Variants in MDGA1 observed in about 807,000 individuals in gnomAD.
MDGA1 encodes the protein MAM domain-containing glycosylphosphatidylinositol anchor protein 1.
In MDGA1, 54 loss-of-function variants were observed where a neutral mutation model predicts 101.5. The observed-to-expected ratio is 0.53, with a 90% CI of 0.43 to 0.67. The LOEUF (loss-of-function observed/expected upper bound fraction) is 0.67. Among genes scored for constraint, MDGA1 ranks in the 30% least tolerant of loss-of-function variants. The probability of loss-of-function intolerance (pLI) is 0.00; values close to 1 mark genes in which losing one functional copy is unlikely to be tolerated. For synonymous variants in MDGA1, 533 were observed against 558.3 expected, an observed-to-expected ratio of 0.95 and a Z score of 0.64; for missense variants, 1,083 against 1,323.8, an observed-to-expected ratio of 0.82 and a Z score of 2.82.
At position 37,647,194 on chromosome 6, in the gene MDGA1, G is replaced by C; in HGVS notation, c.2025C>G (p.Asn675Lys). ...REPDAVDPVL[N>K]YRLSIRQLNQ... is the part of the protein sequence containing the mutation. The stretch of plus-strand genomic sequence containing the variant: ...CCACCTGGCGGATGCTGAGTCTGTA[G>C]TTGAGCACAGGGTCGACAGCGTCGG... The change falls in exon 10 of 17, where the codon AAC becomes AAG. Residue 675 changes from asparagine (N) to lysine (K), a missense_variant. Asn to Lys is a moderately conservative substitution (Grantham distance 94, BLOSUM62 0). Coordinates refer to ENST00000434837, the MANE Select transcript of MDGA1 (RefSeq NM_153487.4). 2.5e-6 allele frequency: 4 copies of C among 1,598,114 alleles called. No individual in the cohort carries two copies. Among genetic ancestry groups the C allele is most frequent in the Non-Finnish European group, 3.4e-6 (4 of 1,172,560 alleles).
In MDGA1 at chr6:37,647,205, G is replaced by A. The variant is rs374048763; in HGVS notation, c.2014C>T (p.Pro672Ser). ...ATGCTGAGTCTGTAGTTGAGCACAG[G>A]GTCGACAGCGTCGGGCTCCCTCTGA... ...WTQREPDAVD[P>S]VLNYRLSIRQ... Residue 672 changes from proline (P) to serine (S), a missense_variant, in exon 10 of 17, where the codon CCT becomes TCT. This residue lies in a region of MDGA1 where 657 missense variants were observed against 771.4 expected (regional missense o/e 0.85). Transcript: ENST00000434837. 63 of 1,597,896 alleles carry A rather than the reference G, an allele frequency of 3.9e-5. No homozygotes were observed. In the African/African-American group the frequency reaches 7.8e-4, roughly 20 times the overall value.
chr6:37,684,905 C>T (rs761404666), intron 1 of MDGA1, among the ~76,000 whole-genome samples: 20 of 152,178 alleles, frequency 1.3e-4, no homozygotes, highest in Non-Finnish European at 2.9e-4. Flanking sequence ...CGGAATCAAA[C>T]CCAAGTAGAT....
chr6:37,655,361 GC>G lies in MDGA1; in HGVS notation c.579+338del. 3.0e-6 allele frequency: 1 copy of G among 334,296 alleles called. No homozygotes were observed. The highest frequency in any genetic ancestry group is 6.1e-5 in the East Asian group (1 of 16,276). The allele number at this position is 334,296 out of a possible 1,614,324, so 20.7% of individuals were successfully genotyped here. ...CCATGGGAAGAGGAGTCATCTCCTCGCCCCCAGATCCTGCTGTGCCTGGCCA... is the reference window on the plus strand; with the variant it reads ...CCATGGGAAGAGGAGTCATCTCCTCGCCCCAGATCCTGCTGTGCCTGGCCA... On this transcript the variant is annotated intron_variant, in intron 4 of 16. Coordinates refer to ENST00000434837, the MANE Select transcript of MDGA1 (RefSeq NM_153487.4). The surrounding 1 kb of genome is among the most constrained non-coding windows in gnomAD (Gnocchi z 5.1).
At chr6:37,674,614 A>G (rs566009138) in intron 1 of MDGA1, among the ~76,000 whole-genome samples, 15 of 152,330 alleles carry the variant, frequency 9.8e-5, no homozygotes, top group East Asian at 9.6e-4. Context: ...CTGTCTATCA[A>G]TGGAAGTCTA....
chr6:37,639,382 C>T (rs148858608), intron 14 of MDGA1: 5 of 152,494 alleles, frequency 3.3e-5, no homozygotes, highest in East Asian at 1.9e-4. Context: ...GCATCCTGTC[C>T]CTGGACAGGA....
chr6:37,654,955 G>A, intron 4 of MDGA1, 23 bp from the exon 5 acceptor site: 1 of 1,611,686 alleles, frequency 6.2e-7, no homozygotes, highest in Non-Finnish European at 8.5e-7. Context: ...GGACCACTGG[G>A]GTGAGGTGCC....
At chr6:37,650,442 C>T (rs1761335411) in intron 7 of MDGA1, 37 bp from the exon 8 acceptor site, 2 of 1,476,774 alleles carry the variant, frequency 1.4e-6, no homozygotes, top group Admixed American at 4.3e-5. Context: ...GAGGTAGGAG[C>T]GGAGTTAGAG....
rs746453937 is a variant in MDGA1, at chr6:37,658,403, G to C, written c.224C>G (p.Thr75Arg). Residue 75 changes from threonine to arginine, a missense_variant, in exon 3 of 17, where the codon ACG (threonine) becomes AGG (arginine). Coordinates refer to ENST00000434837, the MANE Select transcript of MDGA1 (RefSeq NM_153487.4). ...GAACTTGTCCGAGGCGCTACCTGCC[G>C]TCTTGGTCCACCGTACCTGGGCCGC... The part of the protein sequence containing the change: ...HPRPQVRWTK[T>R]AGSASDKFQE... The C allele has an allele frequency of 8.1e-6, 13 of 1,609,564 alleles. No individual in the cohort carries two copies. Among genetic ancestry groups the C allele is most frequent in the Non-Finnish European group, 1.1e-5 (13 of 1,178,146 alleles).
rs1284406448 is a variant in MDGA1 at position 37,696,973 on chromosome 6, G to T, written c.-162C>A. The T allele has an allele frequency of 4.8e-6, 3 of 619,144 alleles. No individual in the cohort carries two copies. The highest frequency in any genetic ancestry group is 5.7e-6 in the Non-Finnish European group (2 of 352,656). The allele number at this position is 619,144 out of a possible 1,614,324, so 38.4% of individuals were successfully genotyped here. A position where few individuals can be genotyped will look rare whatever the true frequency, so the allele number is the denominator to read the frequency against. ...AGGAGACTGAAGAGGCGGAGGTGGC[G>T]GCGACCCGTGTTTCTCCTCCGGCGG... On this transcript the variant is annotated 5_prime_UTR_variant, in exon 1 of 17. Transcript: ENST00000434837. The surrounding 1 kb of genome is among the most constrained non-coding windows in gnomAD (Gnocchi z 5.6).
intron 1 of MDGA1, among the ~76,000 whole-genome samples, chr6:37,673,505 C>T (rs1297922099): frequency 6.6e-6 from 1 of 152,234 alleles, no homozygotes; most frequent in Non-Finnish European, 1.5e-5. Flanking sequence ...CTGGCCTGCT[C>T]CGCCTGGGCC....
chr6:37,654,443 G>T lies in MDGA1; in HGVS notation c.813C>A (p.Pro271=), dbSNP rs1261124102. Residue 271 remains proline, a synonymous_variant, in exon 6 of 17, where the codon CCC becomes CCA. Coordinates refer to ENST00000434837, the MANE Select transcript of MDGA1 (RefSeq NM_153487.4). The part of the protein sequence containing the change: ...QCLLTGGDPL[P]QLQWSHGPGP... ...CAGGCCCATGGGACCACTGCAGCTG[G>T]GGGAGGGGATCACCGCCTGTCAGCA... The T allele has an allele frequency of 3.7e-6, 6 of 1,614,018 alleles. No individual in the cohort carries two copies. In the South Asian group the frequency reaches 5.5e-5, roughly 15 times the overall value.
chr6:37,664,087 G>T lies in MDGA1; in HGVS notation c.87C>A (p.Ile29=). The change falls in exon 2 of 17, where the codon ATC becomes ATA. Residue 29 remains isoleucine (I), a synonymous_variant. Coordinates refer to ENST00000434837, the MANE Select transcript of MDGA1 (RefSeq NM_153487.4). ...CCACACATGCCTGGCCCGCATGCAC[G>T]ATCTGCGCCTGGGCTGGAGCTGGCA... is the stretch of plus-strand genomic sequence containing the variant. The part of the protein sequence containing the change: ...QGVYAPAQAQ[I]VHAGQACVVK... The T allele has an allele frequency of 6.2e-7, 1 of 1,613,856 alleles. No homozygotes were observed. The highest frequency in any genetic ancestry group is 8.5e-7 in the Non-Finnish European group (1 of 1,179,856).
chr6:37,678,551 C>A (rs1404662862), intron 1 of MDGA1, among the ~76,000 whole-genome samples: 1 of 152,134 alleles, frequency 6.6e-6, no homozygotes, highest in Non-Finnish European at 1.5e-5. Context: ...GCCTGCCATG[C>A]CCTCTGCCAT....
In MDGA1 at chr6:37,696,765, C is replaced by T; in HGVS notation, c.47G>A (p.Cys16Tyr). 1.3e-6 allele frequency: 2 copies of T among 1,584,330 alleles called. No homozygotes were observed. Among genetic ancestry groups the T allele is most frequent in the Non-Finnish European group, 1.7e-6 (2 of 1,164,586 alleles). Residue 16 changes from cysteine to tyrosine, a missense_variant, in exon 1 of 17, where the codon TGC (cysteine) becomes TAC (tyrosine). Physicochemically the swap from Cys to Tyr is radical, Grantham distance 194 (BLOSUM62 -2). This residue lies in a region of MDGA1 where 310 missense variants were observed against 355.9 expected (regional missense o/e 0.87). Transcript: ENST00000434837. This position sits in a 1 kb window ranked among gnomAD's most constrained non-coding sequence, Gnocchi z 5.6. ...CTTACCGTAGACTCCTTGTCCCCGG[C>T]AGTGGAAGGGGATCAGCGCCAGAAG... ...LLLLALIPFHCRGQGVYAPAQ... is the reference protein window; with the variant it reads ...LLLLALIPFHYRGQGVYAPAQ...
At chr6:37,640,898 A>G (rs1274957477) in intron 14 of MDGA1, among the ~76,000 whole-genome samples, 1 of 152,168 alleles carries the variant, frequency 6.6e-6, no homozygotes, top group Non-Finnish European at 1.5e-5. Context: ...CCTGGAAGAC[A>G]CTGGGGCTTG....
chr6:37,650,742 C>T (rs1424649341), intron 7 of MDGA1, among the ~76,000 whole-genome samples: 1 of 152,194 alleles, frequency 6.6e-6, no homozygotes, highest in African/African-American at 2.4e-5. Context: ...CTACTCCGGG[C>T]CCTGGCCTAT....
intron 1 of MDGA1, among the ~76,000 whole-genome samples, chr6:37,691,601 C>T (rs140512289): frequency 2.2e-4 from 33 of 152,322 alleles, no homozygotes; most frequent in Non-Finnish European, 4.0e-4. Context: ...GCAAAGAGCA[C>T]ATGTTACTCA....
Position 37,652,465 on chromosome 6 carries a change from T to TC in MDGA1, c.983-126dup. 1 of 636,844 alleles carries TC rather than the reference T, an allele frequency of 1.6e-6. No homozygotes were observed. Among genetic ancestry groups the TC allele is most frequent in the South Asian group, 2.0e-5 (1 of 49,152 alleles). 39.4% of individuals were successfully genotyped at this position (636,844 alleles called of 1,614,324 possible). ...CCTTCTGGGGATAGGGGGCTACAAC[T>TC]CCCCCAGGTGAAACTATCACTTTTC... On this transcript the variant is annotated intron_variant, in intron 6 of 16. Transcript: ENST00000434837. The surrounding 1 kb of genome is among the most constrained non-coding windows in gnomAD (Gnocchi z 4.3).
chr6:37,656,368 G>A lies in MDGA1; in HGVS notation c.383-472C>T, dbSNP rs574357951. On this transcript the variant is annotated intron_variant, in intron 3 of 16. Coordinates refer to ENST00000434837, the MANE Select transcript of MDGA1 (RefSeq NM_153487.4). ...TGGGATTATAGGCATCAGCCACTGCGCCCGGACTCTTTTTTTTTTTTTGAG... is the reference window on the plus strand; with the variant it reads ...TGGGATTATAGGCATCAGCCACTGCACCCGGACTCTTTTTTTTTTTTTGAG... Among the ~76,000 whole-genome samples the A allele has an allele frequency of 1.0e-4, 15 of 145,268 alleles. No individual in the cohort carries two copies. The East Asian group carries it at 2.5e-3, about 24-fold the overall frequency.
Sources: allele counts gnomAD v4.1 joint callset (sites outside exome capture counted in the v4.1 genomes callset), GRCh38; gene constraint gnomAD v4.1.1; regional missense constraint gnomAD v4.1.1; non-coding constraint Gnocchi (gnomAD v3.1); transcripts MANE v1.5; gene names NCBI Gene and HGNC (gene_info 2026-07-23, HGNC 2026-07-21).